SLC30A7: variants seen among roughly 807,000 people sequenced by gnomAD.
The protein encoded by SLC30A7 is solute carrier family 30 member 7.
In SLC30A7, 35 loss-of-function variants were observed where a neutral mutation model predicts 46.0. That is an observed-to-expected ratio of 0.76 (90% confidence interval 0.58 to 1.01). SLC30A7 has a LOEUF of 1.01. Among genes scored for constraint, SLC30A7 ranks in the 50% least tolerant of loss-of-function variants. The probability of loss-of-function intolerance (pLI) is 0.00; values close to 1 mark genes in which losing one functional copy is unlikely to be tolerated. For synonymous variants in SLC30A7, 147 were observed against 157.8 expected (o/e 0.93, Z 0.51); for missense variants, 464 against 451.1 (o/e 1.03, Z -0.26).
At chr1:100,982,017 C>T (rs1426207553), downstream of SLC30A7, among the ~76,000 whole-genome samples, 1 of 152,184 alleles carries the variant, frequency 6.6e-6, no homozygotes, top group African/African-American at 2.4e-5. Flanking sequence ...ATATTTCCAT[C>T]ACTCCCAAGT....
At chr1:100,932,097 T>C (rs1271969658) in intron 8 of SLC30A7, among the ~76,000 whole-genome samples, 1 of 152,046 alleles carries the variant, frequency 6.6e-6, no homozygotes, top group Admixed American at 6.6e-5. Context: ...TCCACAAAAG[T>C]TTTAGAACGG....
rs148744341 is a variant in SLC30A7, at chr1:100,958,852, T to C, written c.843-2976T>C. 2.0e-3 allele frequency among the ~76,000 whole-genome samples: 312 copies of C among 152,288 alleles called. 1 individual carries two copies. Among genetic ancestry groups the C allele is most frequent in the African/African-American group, 7.3e-3 (302 of 41,548 alleles). On this transcript the variant is annotated intron_variant, in intron 8 of 10. Coordinates refer to ENST00000357650, the MANE Select transcript of SLC30A7 (RefSeq NM_133496.5). ...GGGAGGGGGAAACACAATCTGGTAA[T>C]TATCACGCAATGTAGTAATAGTATA...
downstream of SLC30A7, chr1:100,981,774 T>C (rs1656948728): frequency 6.6e-6 from 1 of 152,236 alleles, no homozygotes; most frequent in Admixed American, 6.5e-5. Flanking sequence ...TTGTGTCTTA[T>C]CAGTTTGACG....
intron 8 of SLC30A7, among the ~76,000 whole-genome samples, chr1:100,935,576 A>G (rs747699773): frequency 4.6e-5 from 7 of 152,170 alleles, no homozygotes; most frequent in African/African-American, 9.7e-5. Flanking sequence ...TTTCTTAACT[A>G]TCATAGTGAG....
Position 100,979,210 on chromosome 1 carries a change from CTT to C in SLC30A7, c.*4355_*4356del, listed in dbSNP as rs984192652. On this transcript the variant is annotated 3_prime_UTR_variant, in exon 11 of 11. Coordinates refer to ENST00000357650, the MANE Select transcript of SLC30A7 (RefSeq NM_133496.5). ...TTCTAACTCTTCATGAAAGCATTACCTTTGGAAAGTTAAACTTTTTTTTTCCT... is the reference window on the plus strand; with the variant it reads ...TTCTAACTCTTCATGAAAGCATTACCTGGAAAGTTAAACTTTTTTTTTCCT... The C allele has an allele frequency of 1.3e-5, 2 of 151,810 alleles. No individual in the cohort carries two copies. Among genetic ancestry groups the C allele is most frequent in the African/African-American group, 4.8e-5 (2 of 41,338 alleles). The allele number at this position is 151,810 out of a possible 1,614,324, so 9.4% of individuals were successfully genotyped here.
downstream of SLC30A7, among the ~76,000 whole-genome samples, chr1:100,986,409 T>TA (rs568152369): frequency 4.3e-3 from 554 of 129,040 alleles, no homozygotes; most frequent in East Asian, 7.6e-3. Context: ...AACTCTTGTC[T>TA]AAAAAAAAAA....
Position 100,979,259 on chromosome 1 carries a change from A to G in SLC30A7, c.*4402A>G, listed in dbSNP as rs1373660304. 6.6e-6 allele frequency: 1 copy of G among 151,898 alleles called. No individual in the cohort carries two copies. The highest frequency in any genetic ancestry group is 2.4e-5 in the African/African-American group (1 of 41,396). 9.4% of individuals were successfully genotyped at this position (151,898 alleles called of 1,614,324 possible). A position where few individuals can be genotyped will look rare whatever the true frequency, so the allele number is the denominator to read the frequency against. On this transcript the variant is annotated 3_prime_UTR_variant, in exon 11 of 11. Coordinates refer to ENST00000357650, the MANE Select transcript of SLC30A7 (RefSeq NM_133496.5). ...TCCTTTCATCACCGTCTTTGAAACA[A>G]ATTATTTTCCAATTCATAAGAACTT...
chr1:100,904,375 A>G (rs1449251898), intron 2 of SLC30A7, among the ~76,000 whole-genome samples: 1 of 152,000 alleles, frequency 6.6e-6, no homozygotes, highest in Non-Finnish European at 1.5e-5. Context: ...ATTGTTTTTT[A>G]TATTTCCCAC....
intron 8 of SLC30A7, among the ~76,000 whole-genome samples, chr1:100,954,347 AG>A (rs1393381354): frequency 6.6e-6 from 1 of 152,190 alleles, no homozygotes; most frequent in East Asian, 1.9e-4. Context: ...CAGTAAAATG[AG>A]GGAGTGATTT....
intron 7 of SLC30A7, 41 bp from the exon 8 acceptor site, chr1:100,921,665 A>G (rs777823904): frequency 3.3e-5 from 50 of 1,531,868 alleles, no homozygotes; most frequent in Admixed American, 1.9e-4. Flanking sequence ...TTTTAAATTA[A>G]CCAAAAGACT....
At chr1:100,990,759 A>T in the SLC30A7 span, 2 of 813,060 alleles carry the variant, frequency 2.5e-6, no homozygotes, top group South Asian at 1.8e-5. Context: ...TTTGCCACTT[A>T]TGGACCAGTT....
chr1:100,954,874 T>C (rs1230219409), intron 8 of SLC30A7, among the ~76,000 whole-genome samples: 1 of 152,098 alleles, frequency 6.6e-6, no homozygotes, highest in Admixed American at 6.5e-5. Flanking sequence ...CCAGTTTTCT[T>C]TGGCTTTTTT....
chr1:100,931,525 A>C (rs1193102598), intron 8 of SLC30A7, among the ~76,000 whole-genome samples: 1 of 151,870 alleles, frequency 6.6e-6, no homozygotes, highest in Non-Finnish European at 1.5e-5. Context: ...CCATGCTCTT[A>C]TTTGAAACTC....
At chr1:100,946,247 C>T (rs552377577) in intron 8 of SLC30A7, among the ~76,000 whole-genome samples, 2 of 152,330 alleles carry the variant, frequency 1.3e-5, no homozygotes, top group Non-Finnish European at 2.9e-5. Context: ...GACAATTTGA[C>T]TTCCTCTTTT....
chr1:100,931,099 A>G (rs1456000224), intron 8 of SLC30A7, among the ~76,000 whole-genome samples: 2 of 152,148 alleles, frequency 1.3e-5, no homozygotes, highest in African/African-American at 2.4e-5. Context: ...TAATACTGGA[A>G]AGAACACAGT....
intron 3 of SLC30A7, among the ~76,000 whole-genome samples, chr1:100,910,323 A>G (rs1203963117): frequency 6.6e-6 from 1 of 152,150 alleles, no homozygotes; most frequent in Non-Finnish European, 1.5e-5. Flanking sequence ...AACTAAGCCA[A>G]ATATACGATA....
intron 10 of SLC30A7, among the ~76,000 whole-genome samples, chr1:100,971,264 G>A (rs991499206): frequency 2.6e-5 from 4 of 152,084 alleles, no homozygotes; most frequent in Non-Finnish European, 4.4e-5. Context: ...GAGGGAGGGG[G>A]TACAGAGTAG....
At chr1:100,924,743 C>T (rs1176933264) in intron 8 of SLC30A7, among the ~76,000 whole-genome samples, 1 of 147,606 alleles carries the variant, frequency 6.8e-6, no homozygotes, top group African/African-American at 2.5e-5. Flanking sequence ...TTTTTTTCAA[C>T]CTCAGAGAAT....
At chr1:100,957,819 TTTTAAG>T (rs1181868415) in intron 8 of SLC30A7, among the ~76,000 whole-genome samples, 2 of 152,178 alleles carry the variant, frequency 1.3e-5, no homozygotes, top group Non-Finnish European at 2.9e-5. Context: ...AAGATAAAAA[TTTTAAG>T]TTTAATATAT....
Sources: gnomAD v4.1 joint callset for allele counts (sites outside exome capture counted in the v4.1 genomes callset) on GRCh38, gnomAD v4.1.1 for gene constraint, MANE v1.5 for transcripts, NCBI Gene and HGNC (gene_info 2026-07-23, HGNC 2026-07-21) for gene names.